The following MDGA2 variants were observed in gnomAD, a reference collection of about 807,000 sequenced individuals.
MDGA2 encodes the protein MAM domain containing glycosylphosphatidylinositol anchor 2, also known as MAM domain-containing glycosylphosphatidylinositol anchor protein 2.
A neutral mutation model predicts 117.8 loss-of-function variants in MDGA2; 40 were observed. That is an observed-to-expected ratio of 0.34 (90% confidence interval 0.26 to 0.44). The LOEUF is 0.44. Among genes scored for constraint, MDGA2 ranks in the 20% least tolerant of loss-of-function variants. MDGA2 has a pLI of 1.00. For synonymous variants in MDGA2, 452 were observed against 439.0 expected, an observed-to-expected ratio of 1.03 and a Z score of -0.37; for missense variants, 1,123 against 1,250.6, an observed-to-expected ratio of 0.90 and a Z score of 1.54.
At chr14:47,365,443 C>T (rs1429393816) in intron 1 of MDGA2, among the ~76,000 whole-genome samples, 2 of 152,258 alleles carry the variant, frequency 1.3e-5, no homozygotes, top group Non-Finnish European at 2.9e-5. Context: ...GGCAGAATTA[C>T]TGCAGCTATG....
intron 8 of MDGA2, among the ~76,000 whole-genome samples, chr14:46,963,562 T>C (rs560002388): frequency 5.3e-5 from 8 of 152,348 alleles, no homozygotes; most frequent in African/African-American, 1.9e-4. Context: ...TTGTAGACTT[T>C]AGACCTCTAA....
intron 12 of MDGA2, 38 bp from the exon 13 acceptor site, chr14:46,874,238 T>C: frequency 1.0e-6 from 1 of 999,316 alleles, no homozygotes; most frequent in Non-Finnish European, 1.3e-6. Flanking sequence ...ATTAATTAAA[T>C]TAATACACAT....
At chr14:47,026,277 C>T (rs1336943546) in intron 8 of MDGA2, among the ~76,000 whole-genome samples, 1 of 152,116 alleles carries the variant, frequency 6.6e-6, no homozygotes, top group Non-Finnish European at 1.5e-5. Context: ...ATGTCTTTCT[C>T]TCAAATACTG....
rs1297785755 is a variant in MDGA2 at position 47,000,428 on chromosome 14, AAT to A, written c.1819+34581_1819+34582del. On this transcript the variant is annotated intron_variant, in intron 8 of 16. Transcript: ENST00000399232. ...ATATATTTATATATATACACATATA[AAT>A]ATATATACATATAAATATATATATA... 1.3e-3 allele frequency among the ~76,000 whole-genome samples: 112 copies of A among 87,464 alleles called. 1 individual carries two copies. The highest frequency in any genetic ancestry group is 3.7e-3 in the African/African-American group (109 of 29,790). The allele number at this position is 87,464 out of a possible 152,430, so 57.4% of individuals were successfully genotyped here.
chr14:46,959,232 A>G (rs200361242), intron 8 of MDGA2, among the ~76,000 whole-genome samples: 1 of 143,952 alleles, frequency 6.9e-6, no homozygotes, highest in South Asian at 2.2e-4. Flanking sequence ...AATCTCTTTT[A>G]TCTCCAGCAA....
intron 1 of MDGA2, among the ~76,000 whole-genome samples, chr14:47,670,654 G>A (rs1177749262): frequency 6.6e-6 from 1 of 152,104 alleles, no homozygotes. Flanking sequence ...AATTCTTGAA[G>A]CTACATCGAT....
chr14:46,886,611 T>G (rs549776591), intron 10 of MDGA2, among the ~76,000 whole-genome samples: 1 of 152,142 alleles, frequency 6.6e-6, no homozygotes, highest in Admixed American at 6.6e-5. Flanking sequence ...TTTGTTTTGT[T>G]TTGTTTTAGA....
At chr14:46,893,721 C>T (rs568149723) in intron 10 of MDGA2, among the ~76,000 whole-genome samples, 21 of 151,968 alleles carry the variant, frequency 1.4e-4, no homozygotes, top group South Asian at 4.1e-4. Flanking sequence ...ACAATTTTGA[C>T]GACTACATTA....
intron 1 of MDGA2, among the ~76,000 whole-genome samples, chr14:47,457,493 G>T (rs1012239755): frequency 6.6e-6 from 1 of 152,060 alleles, no homozygotes; most frequent in African/African-American, 2.4e-5. Context: ...TTCTGAAATG[G>T]TATAAACAAT....
chr14:47,584,004 C>A (rs561385986), intron 1 of MDGA2, among the ~76,000 whole-genome samples: 1 of 151,772 alleles, frequency 6.6e-6, no homozygotes, highest in Non-Finnish European at 1.5e-5. Context: ...TGCATTTTCA[C>A]GGTCACAAAG....
At chr14:46,963,755 A>G (rs979063370) in intron 8 of MDGA2, among the ~76,000 whole-genome samples, 1 of 151,620 alleles carries the variant, frequency 6.6e-6, no homozygotes, top group Non-Finnish European at 1.5e-5. Flanking sequence ...CTCTTTGTTC[A>G]TATCTTGTTT....
chr14:47,306,896 A>G (rs1487481661), intron 1 of MDGA2, among the ~76,000 whole-genome samples: 2 of 152,084 alleles, frequency 1.3e-5, no homozygotes, highest in Non-Finnish European at 2.9e-5. Context: ...AGACAGACAG[A>G]CAGCCTATAC....
chr14:47,181,643 T>C (rs1460191984), intron 3 of MDGA2, among the ~76,000 whole-genome samples: 1 of 152,248 alleles, frequency 6.6e-6, no homozygotes, highest in African/African-American at 2.4e-5. Context: ...GATTCATAGA[T>C]GAAAGTTCAT....
At chr14:47,505,987 C>G (rs1485120390) in intron 1 of MDGA2, among the ~76,000 whole-genome samples, 1 of 152,098 alleles carries the variant, frequency 6.6e-6, no homozygotes, top group African/African-American at 2.4e-5. Context: ...AGGTCCTATT[C>G]TCTGTGGACA....
intron 9 of MDGA2, among the ~76,000 whole-genome samples, chr14:46,941,926 C>T (rs1040085623): frequency 2.0e-5 from 3 of 152,142 alleles, no homozygotes; most frequent in African/African-American, 7.2e-5. Flanking sequence ...CTAGCTTGTT[C>T]GAGACTGATA....
chr14:47,466,453 C>T (rs762065889), intron 1 of MDGA2, among the ~76,000 whole-genome samples: 2 of 152,090 alleles, frequency 1.3e-5, no homozygotes, highest in African/African-American at 4.8e-5. Flanking sequence ...TAGAGATAAG[C>T]AGATGAGAGA....
At chr14:47,307,691 G>GAA (rs113956118) in intron 1 of MDGA2, among the ~76,000 whole-genome samples, 13,054 of 149,956 alleles carry the variant, frequency 0.087, 678 homozygotes, top group Non-Finnish European at 0.11. Context: ...CTGTGGGGGG[G>GAA]AAAAAAAAAG....
chr14:47,486,591 C>T (rs1287539572), intron 1 of MDGA2, among the ~76,000 whole-genome samples: 1 of 152,104 alleles, frequency 6.6e-6, no homozygotes, highest in African/African-American at 2.4e-5. Context: ...GGCTCTATGT[C>T]TCCACCCAAG....
At chr14:47,572,078 C>T (rs1896030986) in intron 1 of MDGA2, among the ~76,000 whole-genome samples, 1 of 152,112 alleles carries the variant, frequency 6.6e-6, no homozygotes, top group African/African-American at 2.4e-5. Flanking sequence ...GCATGTCTTC[C>T]ATGTCTGTTT....
Sources: gnomAD v4.1 joint callset for allele counts (sites outside exome capture counted in the v4.1 genomes callset) on GRCh38, gnomAD v4.1.1 for gene constraint, MANE v1.5 for transcripts, NCBI Gene and HGNC (gene_info 2026-07-23, HGNC 2026-07-21) for gene names.